Variants in PLEKHM3 observed in about 807,000 individuals in gnomAD.
The protein encoded by PLEKHM3 is pleckstrin homology domain-containing family M member 3.
In PLEKHM3, 45 loss-of-function variants were observed where a neutral mutation model predicts 81.8. The observed-to-expected ratio is 0.55, with a 90% confidence interval of 0.43 to 0.71. The LOEUF (loss-of-function observed/expected upper bound fraction) is 0.71, where lower values mean the gene tolerates loss of function less well. Among genes scored for constraint, PLEKHM3 ranks in the 30% least tolerant of loss-of-function variants. PLEKHM3 has a pLI of 0.00. For missense variants in PLEKHM3, 788 were observed against 924.3 expected, an observed-to-expected ratio of 0.85 and a Z score of 1.91; for synonymous variants, 352 against 356.4, an observed-to-expected ratio of 0.99 and a Z score of 0.14.
At chr2:207,872,266 C>T (rs572209366) in intron 6 of PLEKHM3, among the ~76,000 whole-genome samples, 2 of 152,214 alleles carry the variant, frequency 1.3e-5, no homozygotes, top group South Asian at 4.1e-4. Flanking sequence ...ATTTCTAAAA[C>T]TGAGTTCCTG....
At chr2:208,000,625 C>A (rs1692264804) in intron 2 of PLEKHM3, among the ~76,000 whole-genome samples, 1 of 152,184 alleles carries the variant, frequency 6.6e-6, no homozygotes, top group Admixed American at 6.5e-5. Flanking sequence ...ATCTTTAAAT[C>A]CTTCCTAGCA....
chr2:207,857,690 G>A (rs2092443468), intron 7 of PLEKHM3, among the ~76,000 whole-genome samples: 1 of 151,776 alleles, frequency 6.6e-6, no homozygotes, highest in South Asian at 2.1e-4. Flanking sequence ...TTTAATTTCT[G>A]TACCTCTTTT....
chr2:207,991,547 G>A (rs1479939583), intron 2 of PLEKHM3, among the ~76,000 whole-genome samples: 2 of 152,158 alleles, frequency 1.3e-5, no homozygotes, highest in East Asian at 1.9e-4. Flanking sequence ...GATTGCCTTA[G>A]GGGTGGACAT....
At chr2:207,892,607 G>A (rs1688094006) in intron 6 of PLEKHM3, among the ~76,000 whole-genome samples, 1 of 152,098 alleles carries the variant, frequency 6.6e-6, no homozygotes, top group South Asian at 2.1e-4. Context: ...TAAATCCAAG[G>A]TCTGAAGATT....
At position 207,930,911 on chromosome 2, in the gene PLEKHM3, AT is replaced by A; in HGVS notation, c.1886+14del. 6.2e-7 allele frequency: 1 copy of A among 1,610,024 alleles called. No homozygotes were observed. Among genetic ancestry groups the A allele is most frequent in the East Asian group, 2.2e-5 (1 of 44,786 alleles). Reference sequence around the variant, plus strand: ...GAAAAACAAACGGGAGCCGTCTGAGATTTATGACTCTTACCTGCGGCGGAGA... The same window carrying A: ...GAAAAACAAACGGGAGCCGTCTGAGATTATGACTCTTACCTGCGGCGGAGA... On this transcript the variant is annotated intron_variant, in intron 5 of 7. Transcript: ENST00000427836.
intron 7 of PLEKHM3, among the ~76,000 whole-genome samples, chr2:207,830,226 A>G (rs1200223120): frequency 2.0e-5 from 3 of 152,158 alleles, no homozygotes; most frequent in Non-Finnish European, 4.4e-5. Context: ...TGTGACTGCT[A>G]TGAACTGAAC....
At chr2:207,945,077 A>C (rs1343258335) in intron 4 of PLEKHM3, among the ~76,000 whole-genome samples, 1 of 152,202 alleles carries the variant, frequency 6.6e-6, no homozygotes, top group Non-Finnish European at 1.5e-5. Flanking sequence ...GCTTTCATTA[A>C]GGTCACTAAT....
At chr2:208,021,491 A>T (rs1693131190) in intron 1 of PLEKHM3, among the ~76,000 whole-genome samples, 1 of 152,008 alleles carries the variant, frequency 6.6e-6, no homozygotes, top group Non-Finnish European at 1.5e-5. Context: ...TGTTTTCTTT[A>T]AAAAATCACT....
chr2:207,852,574 C>G (rs1275250784), intron 7 of PLEKHM3, among the ~76,000 whole-genome samples: 1 of 152,082 alleles, frequency 6.6e-6, no homozygotes, highest in African/African-American at 2.4e-5. Context: ...GCTATATAGT[C>G]ATAATCAAAT....
At chr2:207,944,053 G>C (rs1488324759) in intron 4 of PLEKHM3, among the ~76,000 whole-genome samples, 1 of 152,102 alleles carries the variant, frequency 6.6e-6, no homozygotes, top group African/African-American at 2.4e-5. Context: ...TAAGAATCCT[G>C]GTAGTTAAAA....
Position 207,923,905 on chromosome 2 carries a change from A to ATTTTT in PLEKHM3, c.1886+7016_1886+7020dup, listed in dbSNP as rs869041855. ...CATATATATATATATATATATATAT[A>ATTTTT]TTTTTTTTTTTTTTTTTTTCTGAGG... is the stretch of plus-strand genomic sequence containing the variant. On this transcript the variant is annotated intron_variant, in intron 5 of 7. Coordinates refer to ENST00000427836, the MANE Select transcript of PLEKHM3 (RefSeq NM_001080475.3). Among the ~76,000 whole-genome samples, 97 of 28,336 alleles carry ATTTTT rather than the reference A, an allele frequency of 3.4e-3. 5 individuals carry two copies. The highest frequency in any genetic ancestry group is 8.3e-3 in the African/African-American group (67 of 8,072). The allele number at this position is 28,336 out of a possible 152,430, so 18.6% of individuals were successfully genotyped here.
At chr2:207,864,600 G>A (rs2092485891) in intron 6 of PLEKHM3, among the ~76,000 whole-genome samples, 1 of 152,208 alleles carries the variant, frequency 6.6e-6, no homozygotes, top group Admixed American at 6.5e-5. Flanking sequence ...AGACCTTGAG[G>A]AAGACATGAG....
At chr2:207,957,323 T>C (rs1255273026) in intron 3 of PLEKHM3, among the ~76,000 whole-genome samples, 2 of 152,242 alleles carry the variant, frequency 1.3e-5, no homozygotes, top group African/African-American at 2.4e-5. Context: ...TGATATCAAA[T>C]GATGGTTGGT....
intron 5 of PLEKHM3, 89 bp downstream of exon 5, chr2:207,930,837 C>G: frequency 6.9e-7 from 1 of 1,453,834 alleles, no homozygotes; most frequent in Non-Finnish European, 9.4e-7. Flanking sequence ...GCGGTCCGTG[C>G]TGGAAAGGCC....
chr2:207,904,314 G>A (rs1000111857), intron 6 of PLEKHM3, among the ~76,000 whole-genome samples: 1 of 152,144 alleles, frequency 6.6e-6, no homozygotes, highest in Non-Finnish European at 1.5e-5. Flanking sequence ...CAAGAAATGA[G>A]TAAAGGAAGG....
intron 4 of PLEKHM3, among the ~76,000 whole-genome samples, chr2:207,937,622 C>T (rs761403320): frequency 6.7e-6 from 1 of 149,456 alleles, no homozygotes; most frequent in Non-Finnish European, 1.5e-5. Flanking sequence ...TTTTAATATA[C>T]ATTTTCTTAA....
intron 6 of PLEKHM3, among the ~76,000 whole-genome samples, chr2:207,869,140 A>T (rs1421865257): frequency 6.6e-6 from 1 of 152,202 alleles, no homozygotes; most frequent in African/African-American, 2.4e-5. Context: ...TAACTTTATA[A>T]CAACCCCTCA....
At chr2:208,015,301 C>A (rs1189303521) in intron 1 of PLEKHM3, among the ~76,000 whole-genome samples, 1 of 152,126 alleles carries the variant, frequency 6.6e-6, no homozygotes, top group Non-Finnish European at 1.5e-5. Context: ...AAATTAATTA[C>A]CCTGGGATAA....
At chr2:207,946,564 A>G (rs1690138816) in intron 3 of PLEKHM3, 52 bp from the exon 4 acceptor site, 2 of 1,592,414 alleles carry the variant, frequency 1.3e-6, no homozygotes, top group Non-Finnish European at 8.6e-7. Context: ...TTTTAACACT[A>G]CAGAACAAGG....
Sources: allele counts gnomAD v4.1 joint callset (sites outside exome capture counted in the v4.1 genomes callset), GRCh38; gene constraint gnomAD v4.1.1; transcripts MANE v1.5; gene names NCBI Gene and HGNC (gene_info 2026-07-23, HGNC 2026-07-21).